FTO: variants seen among roughly 807,000 people sequenced by gnomAD.
FTO encodes the protein alpha-ketoglutarate-dependent dioxygenase FTO.
FTO carries 47 observed loss-of-function variants against 63.9 expected under a neutral mutation model. That is an observed-to-expected ratio of 0.74 (90% CI 0.58 to 0.94). The LOEUF is 0.94. Among genes scored for constraint, FTO ranks in the 40% least tolerant of loss-of-function variants. The pLI is 0.00. For missense variants in FTO, 562 were observed against 618.1 expected (o/e 0.91, Z 0.96); for synonymous variants, 207 against 224.4 (o/e 0.92, Z 0.69).
At chr16:54,075,693 A>G (rs2085977046) in intron 8 of FTO, among the ~76,000 whole-genome samples, 1 of 152,234 alleles carries the variant, frequency 6.6e-6, no homozygotes, top group Non-Finnish European at 1.5e-5. Context: ...TTTTTATGAA[A>G]GGTGATGTCA....
chr16:54,050,847 A>C (rs1266074659), intron 8 of FTO, among the ~76,000 whole-genome samples: 2 of 152,144 alleles, frequency 1.3e-5, no homozygotes, highest in African/African-American at 4.8e-5. Context: ...GCTCCAACAA[A>C]TCAACAGAAC....
At chr16:53,919,479 A>C (rs1476164652) in intron 7 of FTO, among the ~76,000 whole-genome samples, 1 of 152,162 alleles carries the variant, frequency 6.6e-6, no homozygotes, top group Non-Finnish European at 1.5e-5. Context: ...CTGGGTGTCT[A>C]CCCAAAGGAA....
intron 4 of FTO, among the ~76,000 whole-genome samples, chr16:53,869,602 T>G (rs1372359262): frequency 1.3e-5 from 2 of 151,014 alleles, no homozygotes; most frequent in Non-Finnish European, 2.9e-5. Context: ...TTTCTCTTAA[T>G]ATATCCTCAT....
At chr16:54,104,029 A>T (rs2086694181) in intron 8 of FTO, among the ~76,000 whole-genome samples, 1 of 152,208 alleles carries the variant, frequency 6.6e-6, no homozygotes, top group Non-Finnish European at 1.5e-5. Flanking sequence ...GCAGGGATTT[A>T]GATACCATGT....
chr16:53,798,090 A>G (rs2078123362), intron 1 of FTO, among the ~76,000 whole-genome samples: 1 of 152,086 alleles, frequency 6.6e-6, no homozygotes, highest in Admixed American at 6.6e-5. Flanking sequence ...TCTCCATTTG[A>G]ATCTTTGTCA....
Position 53,708,301 on chromosome 16 carries a change from G to A in FTO, c.45+4072G>A, listed in dbSNP as rs550876123. ...GAATCACCTAACCTGGAAGGCAGAG[G>A]TTGCAGAGAGCCCAGATTGTGCCAC... On this transcript the variant is annotated intron_variant, in intron 1 of 8. Transcript: ENST00000471389. Among the ~76,000 whole-genome samples, 11 of 151,918 alleles carry A rather than the reference G, an allele frequency of 7.2e-5. No homozygotes were observed. The East Asian group carries it at 2.1e-3, about 30-fold the overall frequency.
chr16:53,769,537 A>G (rs1598614467), intron 1 of FTO, among the ~76,000 whole-genome samples: 2 of 152,174 alleles, frequency 1.3e-5, no homozygotes, highest in East Asian at 1.9e-4. Flanking sequence ...CAAGTGTTAG[A>G]TATCATTTTT....
At chr16:53,776,516 G>A (rs898076524) in intron 1 of FTO, among the ~76,000 whole-genome samples, 2 of 152,084 alleles carry the variant, frequency 1.3e-5, no homozygotes, top group Non-Finnish European at 2.9e-5. Flanking sequence ...AAATTGTTGA[G>A]GACTCAAAAA....
chr16:54,030,633 C>T (rs1212167225), intron 8 of FTO, among the ~76,000 whole-genome samples: 1 of 152,072 alleles, frequency 6.6e-6, no homozygotes, highest in Admixed American at 6.6e-5. Flanking sequence ...CCAGACCAAC[C>T]AGTTTTGACC....
intron 6 of FTO, among the ~76,000 whole-genome samples, chr16:53,881,048 C>T (rs953717514): frequency 3.3e-5 from 5 of 150,642 alleles, no homozygotes; most frequent in Admixed American, 6.6e-5. Flanking sequence ...CATGAACCTG[C>T]GAGGCGGAGC....
At chr16:53,750,656 G>A (rs1244666783) in intron 1 of FTO, among the ~76,000 whole-genome samples, 1 of 152,206 alleles carries the variant, frequency 6.6e-6, no homozygotes, top group Non-Finnish European at 1.5e-5. Context: ...GTCCTTTACA[G>A]AAGAAGTTTG....
intron 8 of FTO, among the ~76,000 whole-genome samples, chr16:53,936,539 G>A (rs1300705111): frequency 2.6e-5 from 4 of 152,188 alleles, no homozygotes; most frequent in Non-Finnish European, 5.9e-5. Flanking sequence ...TCAAATGGGT[G>A]GTGGTGAAAG....
At chr16:53,967,575 C>T (rs2083223067) in intron 8 of FTO, among the ~76,000 whole-genome samples, 1 of 152,178 alleles carries the variant, frequency 6.6e-6, no homozygotes, top group Non-Finnish European at 1.5e-5. Context: ...GTGAAATTAG[C>T]ATATGTTACA....
At chr16:53,796,965 C>G (rs62033414) in intron 1 of FTO, among the ~76,000 whole-genome samples, 14,940 of 152,260 alleles carry the variant, frequency 0.098, 942 homozygotes, top group Middle Eastern at 0.26. Flanking sequence ...TTCTGGGCAG[C>G]TACTAATCTG....
At chr16:53,975,913 C>T (rs1193429064) in intron 8 of FTO, among the ~76,000 whole-genome samples, 3 of 152,016 alleles carry the variant, frequency 2.0e-5, no homozygotes, top group Non-Finnish European at 4.4e-5. Flanking sequence ...TTCCCCTAAC[C>T]TACAGATGAA....
chr16:54,022,940 T>C (rs1280853547), intron 8 of FTO, among the ~76,000 whole-genome samples: 1 of 152,224 alleles, frequency 6.6e-6, no homozygotes, highest in Admixed American at 6.5e-5. Context: ...GATGTAGCTT[T>C]TCAGAAAGTT....
chr16:53,970,361 G>C (rs1599115731), intron 8 of FTO, among the ~76,000 whole-genome samples: 1 of 152,040 alleles, frequency 6.6e-6, no homozygotes, highest in Non-Finnish European at 1.5e-5. Flanking sequence ...AGGCCAAGGC[G>C]GGTGGATCCC....
rs573928738 is a variant in FTO at position 54,075,392 on chromosome 16, C to T, written c.1365-36370C>T. ...CCAGCTCTCGTTAACTATCCCAGGA[C>T]GCTACCAGCATTTTATTACAGTTGT... On this transcript the variant is annotated intron_variant, in intron 8 of 8. Coordinates refer to ENST00000471389, the MANE Select transcript of FTO (RefSeq NM_001080432.3). Among the ~76,000 whole-genome samples the T allele has an allele frequency of 5.9e-5, 9 of 152,282 alleles. No homozygotes were observed. The South Asian group carries it at 6.2e-4, about 11-fold the overall frequency.
At chr16:54,018,425 CAT>C (rs2084509768) in intron 8 of FTO, among the ~76,000 whole-genome samples, 1 of 123,952 alleles carries the variant, frequency 8.1e-6, no homozygotes, top group Non-Finnish European at 1.9e-5. Flanking sequence ...TACATACATA[CAT>C]ACATACATAC....
Sources: allele counts gnomAD v4.1 joint callset (sites outside exome capture counted in the v4.1 genomes callset), GRCh38; gene constraint gnomAD v4.1.1; transcripts MANE v1.5; gene names NCBI Gene and HGNC (gene_info 2026-07-23, HGNC 2026-07-21).